The following USP34 variants were observed in gnomAD, a reference collection of about 807,000 sequenced individuals.
The protein encoded by USP34 is ubiquitin carboxyl-terminal hydrolase 34.
A neutral mutation model predicts 460.3 loss-of-function variants in USP34; 70 were observed. The observed-to-expected ratio is 0.15, with a 90% CI of 0.13 to 0.19. The LOEUF is 0.19. Ranked by LOEUF, USP34 falls within the 10% of genes least tolerant of loss-of-function variation. USP34 has a pLI of 1.00. For missense variants in USP34, 3,985 were observed against 4,236.2 expected, an observed-to-expected ratio of 0.94 and a Z score of 1.65; for synonymous variants, 1,647 against 1,405.3, an observed-to-expected ratio of 1.17 and a Z score of -3.85.
chr2:61,245,121 A>G (rs1010616878), intron 51 of USP34, 89 bp downstream of exon 51: 11 of 888,422 alleles, frequency 1.2e-5, no homozygotes, highest in African/African-American at 8.4e-5. Context: ...CAATTAAAAG[A>G]AAGTTAAGCG....
intron 5 of USP34, among the ~76,000 whole-genome samples, chr2:61,394,556 AAAT>A (rs1693457819): frequency 3.3e-5 from 5 of 151,418 alleles, no homozygotes; most frequent in African/African-American, 7.3e-5. Flanking sequence ...AAAAAAAAAA[AAAT>A]AAGTTAAAAA....
intron 37 of USP34, among the ~76,000 whole-genome samples, chr2:61,282,741 G>T (rs1051650502): frequency 1.3e-5 from 2 of 151,934 alleles, no homozygotes; most frequent in East Asian, 3.9e-4. Context: ...AGGGAGCCTT[G>T]ATTGCACCAC....
At chr2:61,464,558 G>A (rs1022323701) in intron 1 of USP34, among the ~76,000 whole-genome samples, 2 of 150,974 alleles carry the variant, frequency 1.3e-5, no homozygotes, top group Admixed American at 6.6e-5. Context: ...CCCACCAAAC[G>A]AATACACAGA....
intron 1 of USP34, among the ~76,000 whole-genome samples, chr2:61,456,558 T>C (rs1454252770): frequency 6.6e-6 from 1 of 152,150 alleles, no homozygotes; most frequent in East Asian, 1.9e-4. Context: ...GGCTCACACT[T>C]GCAATCCCAG....
intron 1 of USP34, among the ~76,000 whole-genome samples, chr2:61,456,660 TA>T (rs59349733): frequency 6.7e-6 from 1 of 149,430 alleles, no homozygotes; most frequent in South Asian, 2.1e-4. Flanking sequence ...CTACTAAAAA[TA>T]AAAAAAAATG....
chr2:61,389,114 A>G (rs908330529), intron 5 of USP34, among the ~76,000 whole-genome samples: 1 of 152,190 alleles, frequency 6.6e-6, no homozygotes, highest in African/African-American at 2.4e-5. Flanking sequence ...ATTAGGTGAT[A>G]AAACTTTGTT....
chr2:61,343,112 T>C (rs1274299473), intron 16 of USP34, among the ~76,000 whole-genome samples: 1 of 152,268 alleles, frequency 6.6e-6, no homozygotes, highest in African/African-American at 2.4e-5. Context: ...CCGGTTTACT[T>C]ATAATGTACT....
intron 53 of USP34, among the ~76,000 whole-genome samples, chr2:61,239,456 C>T (rs997651737): frequency 3.3e-5 from 5 of 152,020 alleles, no homozygotes; most frequent in Non-Finnish European, 5.9e-5. Context: ...TGTCATTAAA[C>T]ACTGTTGGGT....
Position 61,241,800 on chromosome 2 carries a change from A to T in USP34, c.6647T>A (p.Val2216Asp). The change falls in exon 52 of 80, where the codon GTT becomes GAT. Residue 2216 changes from valine (V) to aspartate (D), a missense_variant. Val to Asp is a radical substitution (Grantham distance 152, BLOSUM62 -3). This residue lies in a region of USP34 where 604 missense variants were observed against 684.8 expected (regional missense o/e 0.88). Coordinates refer to ENST00000398571, the MANE Select transcript of USP34 (RefSeq NM_014709.4). Reference protein sequence around the residue: ...GEMTTKTYDSVTDKFMDFSFE... With the variant: ...GEMTTKTYDSDTDKFMDFSFE... ...AGAGAAGTCCATAAATTTATCTGTAACAGAATCATAGGTCTTGGTCTGTTT... is the reference window on the plus strand; with the variant it reads ...AGAGAAGTCCATAAATTTATCTGTATCAGAATCATAGGTCTTGGTCTGTTT... The T allele has an allele frequency of 6.5e-7, 1 of 1,538,638 alleles. No homozygotes were observed. Among genetic ancestry groups the T allele is most frequent in the Non-Finnish European group, 8.8e-7 (1 of 1,139,236 alleles).
chr2:61,201,977 C>T lies in USP34; in HGVS notation c.9508+1163G>A, dbSNP rs544639552. ...ATGACCCAGGTGCATAATCCTGAAA[C>T]GGCCAATCTGAATATATTCTCATCC... On this transcript the variant is annotated intron_variant, in intron 75 of 79. Coordinates refer to ENST00000398571, the MANE Select transcript of USP34 (RefSeq NM_014709.4). Among the ~76,000 whole-genome samples the T allele has an allele frequency of 5.9e-5, 9 of 152,246 alleles. No individual in the cohort carries two copies. In the South Asian group the frequency reaches 1.5e-3, roughly 25 times the overall value.
chr2:61,227,508 C>T (rs373990574), intron 61 of USP34, among the ~76,000 whole-genome samples: 4 of 152,098 alleles, frequency 2.6e-5, no homozygotes, highest in East Asian at 3.9e-4. Context: ...GTCAGGAGTT[C>T]GAGAACAGCC....
At chr2:61,199,445 A>G (rs901227438) in intron 75 of USP34, among the ~76,000 whole-genome samples, 2 of 152,118 alleles carry the variant, frequency 1.3e-5, no homozygotes, top group Non-Finnish European at 2.9e-5. Context: ...CAGTAGAGAC[A>G]GGGTTTTGCC....
chr2:61,228,597 T>C (rs762719249), intron 61 of USP34, 48 bp downstream of exon 61: 23 of 1,554,020 alleles, frequency 1.5e-5, no homozygotes, highest in Non-Finnish European at 1.9e-5. Flanking sequence ...ATGCAAACTA[T>C]GAAAACCAGA....
chr2:61,236,037 A>C lies in USP34; in HGVS notation c.6955T>G (p.Ser2319Ala). The C allele has an allele frequency of 1.2e-5, 19 of 1,606,064 alleles. No individual in the cohort carries two copies. The highest frequency in any genetic ancestry group is 1.6e-5 in the Non-Finnish European group (19 of 1,178,056). ...TSFVLETFIH[S>A]KEKPTMLQWI... ...TAGAAAACACATACCTTTTCTTTAG[A>C]ATGAATAAATGTCTCTAGGACAAAG... The change falls in exon 56 of 80, where the codon TCT becomes GCT. Residue 2319 changes from serine to alanine, a missense_variant. This residue lies in a region of USP34 where 604 missense variants were observed against 684.8 expected (regional missense o/e 0.88). Transcript: ENST00000398571.
chr2:61,246,493 C>T lies in USP34; in HGVS notation c.6395-16G>A. The T allele has an allele frequency of 6.7e-7, 1 of 1,489,122 alleles. No individual in the cohort carries two copies. The highest frequency in any genetic ancestry group is 2.4e-5 in the East Asian group (1 of 41,362). 92.2% of individuals were successfully genotyped at this position (1,489,122 alleles called of 1,614,324 possible). On this transcript the variant is annotated splice_polypyrimidine_tract_variant and intron_variant, in intron 49 of 79. Transcript: ENST00000398571. ...TCTTTAAAACCTGAAATGATTTACA[C>T]AGAATGGAAATAATTTTCCAAACTT...
intron 75 of USP34, chr2:61,194,046 G>A (rs891665741): frequency 1.1e-6 from 1 of 869,818 alleles, no homozygotes; most frequent in Non-Finnish European, 1.4e-6. Flanking sequence ...TAGCTAGCAG[G>A]TAGCCATGGT....
At chr2:61,353,794 A>G (rs1311941395) in intron 10 of USP34, among the ~76,000 whole-genome samples, 2 of 152,174 alleles carry the variant, frequency 1.3e-5, no homozygotes, top group Non-Finnish European at 2.9e-5. Context: ...AAAACAATGC[A>G]TGAACAAAAT....
At chr2:61,399,663 G>C (rs1232988211) in intron 3 of USP34, among the ~76,000 whole-genome samples, 5 of 151,836 alleles carry the variant, frequency 3.3e-5, no homozygotes, top group African/African-American at 1.2e-4. Context: ...ACGAGGCCAA[G>C]AGTTGGAGAT....
At chr2:61,254,826 C>T (rs965545776) in intron 48 of USP34, among the ~76,000 whole-genome samples, 3 of 152,070 alleles carry the variant, frequency 2.0e-5, no homozygotes, top group African/African-American at 7.2e-5. Context: ...ATGTTTGGCA[C>T]GCATTAGTAG....
Sources: gnomAD v4.1 joint callset for allele counts (sites outside exome capture counted in the v4.1 genomes callset) on GRCh38, gnomAD v4.1.1 for gene constraint, gnomAD v4.1.1 regional missense constraint, MANE v1.5 for transcripts, NCBI Gene and HGNC (gene_info 2026-07-23, HGNC 2026-07-21) for gene names.